USP34: variants seen among roughly 807,000 people sequenced by gnomAD.
USP34 encodes the protein ubiquitin specific peptidase 34.
Under a neutral mutation model 460.3 loss-of-function variants are expected in USP34, and 70 were observed. The ratio of observed to expected loss-of-function variants is 0.15; its 90% confidence interval spans 0.13 to 0.19. USP34 has a LOEUF of 0.19. Ranked by LOEUF, USP34 falls within the 10% of genes least tolerant of loss-of-function variation. The pLI, the probability that USP34 is intolerant of heterozygous loss-of-function variation, is 1.00. For missense variants in USP34, 3,985 were observed against 4,236.2 expected, an observed-to-expected ratio of 0.94 and a Z score of 1.65; for synonymous variants, 1,647 against 1,405.3, an observed-to-expected ratio of 1.17 and a Z score of -3.85.
intron 18 of USP34, among the ~76,000 whole-genome samples, chr2:61,334,224 G>T (rs1015216522): frequency 3.9e-5 from 6 of 152,062 alleles, no homozygotes; most frequent in African/African-American, 1.4e-4. Context: ...AAAAGCAAGT[G>T]AAGAGCATTT....
At chr2:61,361,528 T>G (rs1161658314) in intron 10 of USP34, among the ~76,000 whole-genome samples, 1 of 152,188 alleles carries the variant, frequency 6.6e-6, no homozygotes, top group African/African-American at 2.4e-5. Context: ...TCAACTGATC[T>G]TCCAGAAGGA....
intron 21 of USP34, among the ~76,000 whole-genome samples, chr2:61,322,751 T>C (rs1344926859): frequency 6.6e-6 from 1 of 152,270 alleles, no homozygotes; most frequent in Non-Finnish European, 1.5e-5. Flanking sequence ...ACAGTTAATG[T>C]GTAGATTATT....
chr2:61,230,214 AAACACT>A (rs1208109640), intron 58 of USP34, among the ~76,000 whole-genome samples: 1 of 152,188 alleles, frequency 6.6e-6, no homozygotes, highest in East Asian at 1.9e-4. Flanking sequence ...CAAGAATGTC[AAACACT>A]GCAGTCACTA....
At chr2:61,453,944 CGCTCATGTTTTTTATGA>C (rs1695357436) in intron 1 of USP34, among the ~76,000 whole-genome samples, 1 of 151,612 alleles carries the variant, frequency 6.6e-6, no homozygotes, top group Non-Finnish European at 1.5e-5. Flanking sequence ...TCATCATGTT[CGCTCATGTTTTTTATGA>C]GCATTTTATA....
At chr2:61,203,711 A>G (rs2103768597) in intron 74 of USP34, among the ~76,000 whole-genome samples, 2 of 152,286 alleles carry the variant, frequency 1.3e-5, no homozygotes, top group South Asian at 4.1e-4. Context: ...AAAGAAAGAT[A>G]AAGGGAAAAA....
At chr2:61,360,988 G>GA (rs1440981316) in intron 10 of USP34, among the ~76,000 whole-genome samples, 4 of 152,104 alleles carry the variant, frequency 2.6e-5, no homozygotes, top group African/African-American at 4.8e-5. Context: ...TACAAAAATA[G>GA]AAAAAACAGC....
chr2:61,377,303 C>G (rs17008757), intron 8 of USP34, among the ~76,000 whole-genome samples: 2,233 of 152,180 alleles, frequency 0.015, 68 homozygotes, highest in African/African-American at 0.05. Context: ...CATGTATAAT[C>G]AAGAATTTTC....
chr2:61,441,782 C>A lies in USP34; in HGVS notation c.44-20949G>T, dbSNP rs530108860. On this transcript the variant is annotated intron_variant, in intron 1 of 79. Transcript: ENST00000398571. ...TACCACTGAACTACAGCCTGGGCAA[C>A]AGAGAGAGAGACTGCATTACAAAAA... Among the ~76,000 whole-genome samples the A allele has an allele frequency of 1.5e-4, 16 of 108,780 alleles. No homozygotes were observed. In the South Asian group the frequency reaches 3.6e-3, roughly 24 times the overall value. 71.4% of individuals were successfully genotyped at this position (108,780 alleles called of 152,430 possible). A position where few individuals can be genotyped will look rare whatever the true frequency, so the allele number is the denominator to read the frequency against.
rs1558525569 is a variant in USP34 at position 61,314,728 on chromosome 2, C to T, written c.3399G>A (p.Glu1133=). Residue 1133 remains glutamate (E), a synonymous_variant, in exon 25 of 80, where the codon GAG becomes GAA. Coordinates refer to ENST00000398571, the MANE Select transcript of USP34 (RefSeq NM_014709.4). ...SYYINGKTGL[E]KEQEFISKCM... ...ACTTACTAATAAATTCTTGCTCCTT[C>T]TCCAAACCTGTTTTACCTGAAAGCC... is the stretch of plus-strand genomic sequence containing the variant. 1 of 1,582,308 alleles carries T rather than the reference C, an allele frequency of 6.3e-7. No individual in the cohort carries two copies. Among genetic ancestry groups the T allele is most frequent in the African/African-American group, 1.4e-5 (1 of 73,514 alleles).
chr2:61,436,380 A>G lies in USP34; in HGVS notation c.44-15547T>C, dbSNP rs1694812687. ...GGACGGGAAAAGACATTCCATGTAAACAGAAACCAAAAGTGAGCTGGGGTA... is the reference window on the plus strand; with the variant it reads ...GGACGGGAAAAGACATTCCATGTAAGCAGAAACCAAAAGTGAGCTGGGGTA... On this transcript the variant is annotated intron_variant, in intron 1 of 79. Coordinates refer to ENST00000398571, the MANE Select transcript of USP34 (RefSeq NM_014709.4). Among the ~76,000 whole-genome samples the G allele has an allele frequency of 3.3e-5, 5 of 152,244 alleles. No individual in the cohort carries two copies. In the South Asian group the frequency reaches 1.0e-3, roughly 31 times the overall value.
intron 3 of USP34, among the ~76,000 whole-genome samples, chr2:61,401,705 C>T (rs889147923): frequency 6.7e-6 from 1 of 148,898 alleles, no homozygotes; most frequent in Admixed American, 6.7e-5. Flanking sequence ...CCCGCTACCA[C>T]GCCCTGCTAA....
At chr2:61,261,172 T>C (rs1478573842) in intron 43 of USP34, among the ~76,000 whole-genome samples, 2 of 152,080 alleles carry the variant, frequency 1.3e-5, no homozygotes, top group Admixed American at 6.5e-5. Context: ...CACCCAAAAG[T>C]AGTAAAAGCA....
At chr2:61,407,408 T>A (rs1693907593) in intron 2 of USP34, among the ~76,000 whole-genome samples, 1 of 152,114 alleles carries the variant, frequency 6.6e-6, no homozygotes, top group African/African-American at 2.4e-5. Context: ...AATTAATACA[T>A]ACGCAAGTAC....
intron 15 of USP34, among the ~76,000 whole-genome samples, chr2:61,346,522 T>A (rs1228013115): frequency 2.4e-5 from 2 of 83,506 alleles, no homozygotes; most frequent in Non-Finnish European, 4.2e-5. Flanking sequence ...TGAGACCCTA[T>A]CTCTTAAAAA....
chr2:61,351,132 T>A (rs1374553131), intron 10 of USP34, among the ~76,000 whole-genome samples: 3 of 152,166 alleles, frequency 2.0e-5, no homozygotes, highest in Non-Finnish European at 2.9e-5. Context: ...GCGGCTATGG[T>A]GGGAAGATCT....
At chr2:61,226,905 G>T in intron 62 of USP34, 162 bp downstream of exon 62, 4 of 852,206 alleles carry the variant, frequency 4.7e-6, no homozygotes, top group Non-Finnish European at 6.6e-6. Context: ...TTGATGAATA[G>T]TAGTATTATT....
chr2:61,378,663 T>C (rs992900189), intron 7 of USP34, among the ~76,000 whole-genome samples: 2 of 152,136 alleles, frequency 1.3e-5, no homozygotes, highest in East Asian at 1.9e-4. Context: ...CCCAGCACTT[T>C]AGGAGGCCAA....
intron 48 of USP34, among the ~76,000 whole-genome samples, chr2:61,254,074 C>A (rs1338576208): frequency 6.6e-6 from 1 of 152,200 alleles, no homozygotes; most frequent in African/African-American, 2.4e-5. Context: ...ATGCTTGATT[C>A]CATGTGTCCC....
intron 43 of USP34, among the ~76,000 whole-genome samples, chr2:61,262,495 T>C (rs1431098345): frequency 6.6e-6 from 1 of 152,152 alleles, no homozygotes; most frequent in African/African-American, 2.4e-5. Flanking sequence ...TCCATACATG[T>C]TTTTGCAAAA....
Sources: gnomAD v4.1 joint callset for allele counts (sites outside exome capture counted in the v4.1 genomes callset) on GRCh38, gnomAD v4.1.1 for gene constraint, MANE v1.5 for transcripts, NCBI Gene and HGNC (gene_info 2026-07-23, HGNC 2026-07-21) for gene names.